Variants in JMJD1C observed in about 807,000 individuals in gnomAD.
JMJD1C encodes the protein jumonji domain-containing protein 1C.
JMJD1C carries 31 observed loss-of-function variants against 245.3 expected under a neutral mutation model. The ratio of observed to expected loss-of-function variants is 0.13; its 90% CI spans 0.09 to 0.17. JMJD1C has a LOEUF of 0.17. JMJD1C is among the 10% of genes least tolerant of loss of function. The pLI is 1.00. For synonymous variants in JMJD1C, 1,057 were observed against 1,017.4 expected (o/e 1.04, Z -0.74); for missense variants, 2,691 against 3,000.2 (o/e 0.90, Z 2.41).
chr10:63,189,140 G>A (rs371897344), intron 18 of JMJD1C, 28 bp downstream of exon 18: 42 of 1,562,188 alleles, frequency 2.7e-5, no homozygotes, highest in Non-Finnish European at 3.4e-5. Context: ...TCCACCAAGA[G>A]TGTTCTTTAT....
At chr10:63,425,325 AG>A (rs1950376129) in intron 1 of JMJD1C, among the ~76,000 whole-genome samples, 2 of 152,180 alleles carry the variant, frequency 1.3e-5, no homozygotes, top group African/African-American at 4.8e-5. Context: ...CAAAATTTTT[AG>A]GTGAATTTTA....
intron 1 of JMJD1C, among the ~76,000 whole-genome samples, chr10:63,450,316 G>A (rs1252413601): frequency 6.6e-6 from 1 of 151,744 alleles, no homozygotes; most frequent in Non-Finnish European, 1.5e-5. Flanking sequence ...GAGGCCAGGG[G>A]TGTAAAAAAG....
chr10:63,471,470 G>C (rs1431802105), intron 1 of JMJD1C, among the ~76,000 whole-genome samples: 1 of 152,154 alleles, frequency 6.6e-6, no homozygotes, highest in East Asian at 1.9e-4. Context: ...TTCCTGTCAC[G>C]TGGTAGGTTC....
chr10:63,268,902 T>C, intron 2 of JMJD1C: 1 of 985,820 alleles, frequency 1.0e-6, no homozygotes, highest in Non-Finnish European at 1.2e-6. Flanking sequence ...GCAGGAGCTG[T>C]AACCTAACAA....
chr10:63,488,032 G>A (rs150725980), intron 1 of JMJD1C, among the ~76,000 whole-genome samples: 102 of 152,184 alleles, frequency 6.7e-4, no homozygotes, highest in African/African-American at 2.0e-3. Flanking sequence ...TGACAGAGCT[G>A]GGATTCACCC....
intron 22 of JMJD1C, among the ~76,000 whole-genome samples, chr10:63,179,608 CA>C (rs1405952160): frequency 3.3e-5 from 5 of 151,280 alleles, no homozygotes; most frequent in Non-Finnish European, 7.4e-5. Context: ...CCCGTCTTTA[CA>C]AAAAAATAAA....
chr10:63,421,132 C>T (rs545172394), intron 1 of JMJD1C, among the ~76,000 whole-genome samples: 1 of 152,040 alleles, frequency 6.6e-6, no homozygotes, highest in Admixed American at 6.6e-5. Flanking sequence ...GTCGGGAGTT[C>T]GAGACCAGCC....
At position 63,365,344 on chromosome 10, in the gene JMJD1C, T is replaced by A. The variant is rs117093077; in HGVS notation, c.333+14974A>T. Among the ~76,000 whole-genome samples the A allele has an allele frequency of 2.6e-5, 4 of 152,364 alleles. No homozygotes were observed. The East Asian group carries it at 7.7e-4, about 29-fold the overall frequency. On this transcript the variant is annotated intron_variant, in intron 2 of 25. Transcript: ENST00000399262. ...AAAAATTTTAGTTTATTCTCATTTA[T>A]ATCTCCAAATCTTAAATTGTCTGAT...
chr10:63,292,791 T>C (rs1858936290), intron 2 of JMJD1C, among the ~76,000 whole-genome samples: 1 of 152,080 alleles, frequency 6.6e-6, no homozygotes, highest in African/African-American at 2.4e-5. Flanking sequence ...ACGCCTGTAA[T>C]CCCAGCACTT....
chr10:63,213,480 A>G lies in JMJD1C; in HGVS notation c.2687T>C (p.Leu896Ser), dbSNP rs779423910. 6.3e-7 allele frequency: 1 copy of G among 1,581,734 alleles called. No homozygotes were observed. Among genetic ancestry groups the G allele is most frequent in the Non-Finnish European group, 8.7e-7 (1 of 1,154,392 alleles). ...AACTACAGTGTAACTTACCCTCCTTAATGAAGCTTCAGCATTAACTGCATT... is the reference window on the plus strand; with the variant it reads ...AACTACAGTGTAACTTACCCTCCTTGATGAAGCTTCAGCATTAACTGCATT... ...PENAVNAEAS[L>S]RRNSPSPWLH... Residue 896 changes from leucine to serine, a missense_variant, in exon 8 of 26, where the codon TTA becomes TCA. Leu to Ser is a moderately radical substitution (Grantham distance 145). Around this residue, in one of 9 missense-constraint regions of JMJD1C, gnomAD observed 1,562 missense variants for 1,490.7 expected, o/e 1.05. Coordinates refer to ENST00000399262, the MANE Select transcript of JMJD1C (RefSeq NM_032776.3).
chr10:63,303,737 A>T (rs1328387639), intron 2 of JMJD1C, among the ~76,000 whole-genome samples: 1 of 152,200 alleles, frequency 6.6e-6, no homozygotes, highest in Admixed American at 6.5e-5. Flanking sequence ...TGCATCTAAG[A>T]TCAATAGCAT....
At chr10:63,336,657 C>T (rs182777783) in intron 2 of JMJD1C, among the ~76,000 whole-genome samples, 269 of 152,244 alleles carry the variant, frequency 1.8e-3, no homozygotes, top group Middle Eastern at 3.4e-3. Context: ...TCAGCACTCA[C>T]CATCTGTCTC....
At chr10:63,181,179 G>T (rs1049525274) in intron 22 of JMJD1C, among the ~76,000 whole-genome samples, 6 of 152,096 alleles carry the variant, frequency 3.9e-5, no homozygotes, top group South Asian at 4.1e-4. Context: ...CTTTCTTATA[G>T]AGAGTTTGAA....
intron 2 of JMJD1C, among the ~76,000 whole-genome samples, chr10:63,371,749 G>A (rs1207026964): frequency 6.6e-6 from 1 of 152,084 alleles, no homozygotes. Flanking sequence ...CTCGTTCATT[G>A]CAATACATGC....
At chr10:63,347,104 T>G (rs1484898344) in intron 2 of JMJD1C, among the ~76,000 whole-genome samples, 1 of 145,836 alleles carries the variant, frequency 6.9e-6, no homozygotes, top group African/African-American at 2.6e-5. Flanking sequence ...AGAGTCTCAC[T>G]CTGTCACCCA....
chr10:63,323,933 G>A (rs920060334), intron 2 of JMJD1C, among the ~76,000 whole-genome samples: 9 of 152,048 alleles, frequency 5.9e-5, no homozygotes, highest in African/African-American at 2.2e-4. Flanking sequence ...AGCCAGTGGT[G>A]TGTCTTGGTT....
chr10:63,209,421 ATAAT>A (rs1847057405), intron 8 of JMJD1C, among the ~76,000 whole-genome samples, 186 bp from the exon 9 acceptor site: 2 of 152,328 alleles, frequency 1.3e-5, no homozygotes, highest in African/African-American at 2.4e-5. Context: ...AAATAATAAC[ATAAT>A]TAAACAGATT....
intron 3 of JMJD1C, chr10:63,223,173 A>T: frequency 1.8e-6 from 1 of 568,068 alleles, no homozygotes; most frequent in Admixed American, 3.5e-5. Context: ...TCCATACATA[A>T]CCATCCATAT....
At chr10:63,393,312 G>C (rs926347289) in intron 1 of JMJD1C, among the ~76,000 whole-genome samples, 2 of 152,070 alleles carry the variant, frequency 1.3e-5, no homozygotes, top group East Asian at 1.9e-4. Flanking sequence ...TGAATCATCA[G>C]GGAAATGTAT....
Sources: allele counts gnomAD v4.1 joint callset (sites outside exome capture counted in the v4.1 genomes callset), GRCh38; gene constraint gnomAD v4.1.1; regional missense constraint gnomAD v4.1.1; transcripts MANE v1.5; gene names NCBI Gene and HGNC (gene_info 2026-07-23, HGNC 2026-07-21).